The following AGAP3 variants were observed in gnomAD, a reference collection of about 807,000 sequenced individuals.
AGAP3 encodes ArfGAP with GTPase domain, ankyrin repeat and PH domain 3, also known as arf-GAP with GTPase, ANK repeat and PH domain-containing protein 3.
In AGAP3, 24 loss-of-function variants were observed where a neutral mutation model predicts 96.9. That is an observed-to-expected ratio of 0.25 (90% CI 0.18 to 0.35). The LOEUF (loss-of-function observed/expected upper bound fraction) is 0.35, where lower values mean the gene tolerates loss of function less well. Ranked by LOEUF, AGAP3 falls within the 10% of genes least tolerant of loss-of-function variation. The pLI is 1.00. For synonymous variants in AGAP3, 563 were observed against 536.1 expected, an observed-to-expected ratio of 1.05 and a Z score of -0.69; for missense variants, 876 against 1,254.2, an observed-to-expected ratio of 0.70 and a Z score of 4.55.
chr7:151,109,302 G>A (rs1452847609), intron 1 of AGAP3, among the ~76,000 whole-genome samples: 1 of 152,236 alleles, frequency 6.6e-6, no homozygotes, highest in Non-Finnish European at 1.5e-5. Flanking sequence ...AGTCGAGGCT[G>A]CAGTGAGCTG....
At chr7:151,125,154 G>C (rs1212909733) in intron 9 of AGAP3, among the ~76,000 whole-genome samples, 1 of 152,216 alleles carries the variant, frequency 6.6e-6, no homozygotes, top group African/African-American at 2.4e-5. Context: ...CTCTGCTTTG[G>C]GCGTAGGCTC....
At position 151,143,876 on chromosome 7, in the gene AGAP3, C is replaced by T. The variant is rs200498979; in HGVS notation, c.2669C>T (p.Pro890Leu). Residue 890 changes from proline (P) to leucine (L), a missense_variant, in exon 18 of 18, where the codon CCC (proline) becomes CTC (leucine). Coordinates refer to ENST00000397238, the MANE Select transcript of AGAP3 (RefSeq NM_031946.7). The surrounding 1 kb of genome is among the most constrained non-coding windows in gnomAD (Gnocchi z 5.9). Reference protein sequence around the residue: ...PGEGCGLAPTPNREPANGTNP... With the variant: ...PGEGCGLAPTLNREPANGTNP... Reference sequence around the variant, plus strand: ...GAGGGCTGTGGCTTAGCGCCTACCCCCAACAGAGAGCCTGCCAATGGCACC... The same window carrying T: ...GAGGGCTGTGGCTTAGCGCCTACCCTCAACAGAGAGCCTGCCAATGGCACC... The T allele has an allele frequency of 3.0e-3, 4,880 of 1,613,974 alleles. 22 individuals are homozygous for T. The highest frequency in any genetic ancestry group is 2.9e-3 in the Non-Finnish European group (3,367 of 1,180,016).
chr7:151,102,863 C>T (rs1013785366), intron 1 of AGAP3, among the ~76,000 whole-genome samples: 7 of 152,120 alleles, frequency 4.6e-5, no homozygotes, highest in African/African-American at 1.2e-4. Flanking sequence ...CAATCTCCCT[C>T]GGCCTCCCAA....
chr7:151,127,534 T>C (rs1486708306), intron 9 of AGAP3, among the ~76,000 whole-genome samples: 2 of 152,190 alleles, frequency 1.3e-5, no homozygotes, highest in African/African-American at 4.8e-5. Flanking sequence ...GCACTGCCTC[T>C]TCTCAGCCCT....
chr7:151,115,122 C>T, intron 1 of AGAP3: 2 of 1,036,790 alleles, frequency 1.9e-6, no homozygotes, highest in South Asian at 3.3e-5. Flanking sequence ...CCGCGGGGAG[C>T]CGACTCCGCG....
chr7:151,138,875 A>C lies in AGAP3; in HGVS notation c.1666+562A>C, dbSNP rs150145514. ...GTTTTCCACCTGTGCTGTCCCCCTC[A>C]GATAGGCCTCCACCCATCCTAGGTG... On this transcript the variant is annotated intron_variant, in intron 12 of 17. Coordinates refer to ENST00000397238, the MANE Select transcript of AGAP3 (RefSeq NM_031946.7). Among the ~76,000 whole-genome samples the C allele has an allele frequency of 4.4e-3, 672 of 152,242 alleles. 6 individuals are homozygous for C. Among genetic ancestry groups the C allele is most frequent in the African/African-American group, 0.015 (631 of 41,546 alleles).
chr7:151,116,744 A>G, intron 1 of AGAP3, 49 bp from the exon 2 acceptor site: 1 of 1,608,342 alleles, frequency 6.2e-7, no homozygotes. Flanking sequence ...TGGTTGGGAC[A>G]GGTGTGTGTG....
In AGAP3 at chr7:151,086,953, C is replaced by T; in HGVS notation, c.212C>T (p.Ala71Val). The change falls in exon 1 of 18, where the codon GCC becomes GTC. Residue 71 changes from alanine (A) to valine (V), a missense_variant. By Grantham distance (64) the Ala-to-Val change is moderately conservative. Around this residue, in one of 8 missense-constraint regions of AGAP3, gnomAD observed 62 missense variants for 82.8 expected, o/e 0.75. Transcript: ENST00000397238. ...CTCTCCAACTCCGCGGCCATCCGGG[C>T]CGAGATCCAGCGCTTCGAGTCCGTG... ...FALSNSAAIR[A>V]EIQRFESVHP... 1 of 1,611,732 alleles carries T rather than the reference C, an allele frequency of 6.2e-7. No individual in the cohort carries two copies.
rs572344628 is a variant in AGAP3 at position 151,142,201 on chromosome 7, G to GGCCGTCCGC, written c.1999_2007dup (p.Ala667_Arg669dup). ...ACCAGAACGCAGCTCTGGCTGTGCA[G>GGCCGTCCGC]GCCGTCCGCACCGTCCGCGGCAACA... is the stretch of plus-strand genomic sequence containing the variant. On this transcript the variant is annotated inframe_insertion, in exon 15 of 18. Coordinates refer to ENST00000397238, the MANE Select transcript of AGAP3 (RefSeq NM_031946.7). The surrounding 1 kb of genome is among the most constrained non-coding windows in gnomAD (Gnocchi z 7.5). The GGCCGTCCGC allele has an allele frequency of 9.3e-6, 15 of 1,613,796 alleles. No individual in the cohort carries two copies. Among genetic ancestry groups the GGCCGTCCGC allele is most frequent in the South Asian group, 4.4e-5 (4 of 91,070 alleles).
chr7:151,097,468 G>A (rs1798650642), intron 1 of AGAP3, among the ~76,000 whole-genome samples: 1 of 149,582 alleles, frequency 6.7e-6, no homozygotes, highest in South Asian at 2.1e-4. Context: ...GAAGGCGGAG[G>A]TTGCAGTGAG....
chr7:151,086,042 C>T (rs995722918), upstream of AGAP3: 2 of 152,478 alleles, frequency 1.3e-5, no homozygotes, highest in African/African-American at 4.8e-5. Context: ...TGGGCGGACT[C>T]CTCGGCCAAT....
At chr7:151,089,137 C>T (rs948426060) in intron 1 of AGAP3, among the ~76,000 whole-genome samples, 3 of 151,530 alleles carry the variant, frequency 2.0e-5, no homozygotes, top group African/African-American at 7.3e-5. Context: ...TGCGTTCCCA[C>T]TTTTCTGCTG....
At chr7:151,123,044 C>A (rs1799986310) in intron 8 of AGAP3, 10 of 1,323,136 alleles carry the variant, frequency 7.6e-6, no homozygotes, top group Non-Finnish European at 9.6e-6. Context: ...CTCGGCCCCA[C>A]GCCCGGCGCT....
rs1275942256 is a variant in AGAP3, at chr7:151,096,904, AAGGCACATGCCTTGGG to A, written c.331+9834_331+9849del. Among the ~76,000 whole-genome samples the A allele has an allele frequency of 6.6e-6, 1 of 152,028 alleles. No individual in the cohort carries two copies. Among genetic ancestry groups the A allele is most frequent in the Admixed American group, 6.6e-5 (1 of 15,266 alleles). On this transcript the variant is annotated intron_variant, in intron 1 of 17. Coordinates refer to ENST00000397238, the MANE Select transcript of AGAP3 (RefSeq NM_031946.7). This position sits in a 1 kb window ranked among gnomAD's most constrained non-coding sequence, Gnocchi z 4.4. ...AGCAATTCTCGTGCCTCAGCCTCCC[AAGGCACATGCCTTGGG>A]ATTACAGGCACATGCCACCATGTCT... is the stretch of plus-strand genomic sequence containing the variant.
intron 8 of AGAP3, chr7:151,122,952 G>C: frequency 6.9e-7 from 1 of 1,439,622 alleles, no homozygotes; most frequent in East Asian, 2.5e-5. Flanking sequence ...GGAAGGCTAG[G>C]AGCGCCGGAG....
At chr7:151,101,582 G>A (rs1328806161) in intron 1 of AGAP3, among the ~76,000 whole-genome samples, 1 of 152,198 alleles carries the variant, frequency 6.6e-6, no homozygotes, top group Admixed American at 6.5e-5. Flanking sequence ...CTGCCCGTGA[G>A]CAAAGCCCCA....
At position 151,144,281 on chromosome 7, in the gene AGAP3, G is replaced by T; in HGVS notation, c.*338G>T. The stretch of plus-strand genomic sequence containing the variant: ...CCTCACACGCCTTCATCCTGAAACA[G>T]GAAGAGGACGGCACCAAGTTGGGGG... On this transcript the variant is annotated 3_prime_UTR_variant, in exon 18 of 18. Transcript: ENST00000397238. 3.0e-6 allele frequency: 1 copy of T among 335,172 alleles called. No homozygotes were observed. The highest frequency in any genetic ancestry group is 5.5e-6 in the Non-Finnish European group (1 of 181,142). The allele number at this position is 335,172 out of a possible 1,614,324, so 20.8% of individuals were successfully genotyped here. A position where few individuals can be genotyped will look rare whatever the true frequency, so the allele number is the denominator to read the frequency against.
rs376999909 is a variant in AGAP3 at position 151,143,608 on chromosome 7, G to C, written c.2529+12G>C. ...AGCTGCTCATCTGGGTGAGTCACGT[G>C]CCTCTAGCCTGCCCTGACCTCGCTC... is the stretch of plus-strand genomic sequence containing the variant. On this transcript the variant is annotated intron_variant, in intron 17 of 17. Coordinates refer to ENST00000397238, the MANE Select transcript of AGAP3 (RefSeq NM_031946.7). The surrounding 1 kb of genome is among the most constrained non-coding windows in gnomAD (Gnocchi z 5.9). 3.8e-6 allele frequency: 6 copies of C among 1,596,558 alleles called. No homozygotes were observed. In the African/African-American group the frequency reaches 8.0e-5, roughly 21 times the overall value.
chr7:151,112,398 T>TAC (rs777922365), intron 1 of AGAP3, among the ~76,000 whole-genome samples: 3 of 64,658 alleles, frequency 4.6e-5, no homozygotes, highest in South Asian at 9.2e-4. Flanking sequence ...CCCCGAGACG[T>TAC]GTGTGTGTGT....
Sources: gnomAD v4.1 joint callset for allele counts (sites outside exome capture counted in the v4.1 genomes callset) on GRCh38, gnomAD v4.1.1 for gene constraint, gnomAD v4.1.1 regional missense constraint, Gnocchi (gnomAD v3.1) non-coding constraint, MANE v1.5 for transcripts, NCBI Gene and HGNC (gene_info 2026-07-23, HGNC 2026-07-21) for gene names.